The following RUNDC1 variants were observed in gnomAD, a reference collection of about 807,000 sequenced individuals.
The protein encoded by RUNDC1 is RUN domain containing 1, also known as RUN domain-containing protein 1.
RUNDC1 carries 31 observed loss-of-function variants against 49.3 expected under a neutral mutation model. The observed-to-expected ratio is 0.63, with a 90% confidence interval of 0.47 to 0.85. The LOEUF (loss-of-function observed/expected upper bound fraction) is 0.85, where lower values mean the gene tolerates loss of function less well. RUNDC1 is among the 40% of genes least tolerant of loss of function. The pLI, the probability that RUNDC1 is intolerant of heterozygous loss-of-function variation, is 0.00. For synonymous variants in RUNDC1, 347 were observed against 348.6 expected, an observed-to-expected ratio of 1.00 and a Z score of 0.05; for missense variants, 715 against 806.7, an observed-to-expected ratio of 0.89 and a Z score of 1.38.
intron 1 of RUNDC1, among the ~76,000 whole-genome samples, chr17:42,985,168 TG>T (rs1407869127): frequency 6.6e-6 from 1 of 152,198 alleles, no homozygotes; most frequent in East Asian, 1.9e-4. Flanking sequence ...ATTACAGGCA[TG>T]AGCCACTGCG....
chr17:42,989,547 G>A lies in RUNDC1; in HGVS notation c.856+8G>A. On this transcript the variant is annotated splice_region_variant and intron_variant, in intron 3 of 4. Coordinates refer to ENST00000361677, the MANE Select transcript of RUNDC1 (RefSeq NM_173079.5). ...TTATCAACTTCATCCAAGGTTAGAG[G>A]AGGGGATGGGATGAGAAGGGTGGAC... The A allele has an allele frequency of 6.2e-7, 1 of 1,611,924 alleles. No homozygotes were observed. The highest frequency in any genetic ancestry group is 8.5e-7 in the Non-Finnish European group (1 of 1,177,974).
chr17:42,990,790 T>C (rs2050227951), intron 4 of RUNDC1, 61 bp from the exon 5 acceptor site: 2 of 1,516,170 alleles, frequency 1.3e-6, no homozygotes, highest in Non-Finnish European at 1.8e-6. Context: ...CTGTGATTTG[T>C]TGAGTGTAGC....
chr17:42,990,375 G>C lies in RUNDC1; in HGVS notation c.915G>C (p.Gly305=). The change falls in exon 4 of 5, where the codon GGG becomes GGC. Residue 305 remains glycine (G), a synonymous_variant. Coordinates refer to ENST00000361677, the MANE Select transcript of RUNDC1 (RefSeq NM_173079.5). ...GGGHCECKAG[G]KTGNGCSRTG... The stretch of plus-strand genomic sequence containing the variant: ...GACACTGTGAGTGCAAGGCCGGTGG[G>C]AAGACAGGAAATGGCTGCAGCAGAA... 6.2e-7 allele frequency: 1 copy of C among 1,614,114 alleles called. No individual in the cohort carries two copies. The highest frequency in any genetic ancestry group is 8.5e-7 in the Non-Finnish European group (1 of 1,180,026).
Position 42,990,865 on chromosome 17 carries a change from G to T in RUNDC1, c.991G>T (p.Val331Leu). 3 of 1,594,948 alleles carry T rather than the reference G, an allele frequency of 1.9e-6. No homozygotes were observed. Among genetic ancestry groups the T allele is most frequent in the Non-Finnish European group, 2.6e-6 (3 of 1,166,390 alleles). ...PGNSKTKAED[V>L]KKVRETGLHL... ...TTTCTAAGCAGCAAAGGCAGAGGATGTGAAGAAAGTCCGGGAGACGGGGCT... is the reference window on the plus strand; with the variant it reads ...TTTCTAAGCAGCAAAGGCAGAGGATTTGAAGAAAGTCCGGGAGACGGGGCT... Residue 331 changes from valine to leucine, a missense_variant, in exon 5 of 5, where the codon GTG (valine) becomes TTG (leucine). Around this residue, in one of 5 missense-constraint regions of RUNDC1, gnomAD observed 425 missense variants for 499.7 expected, o/e 0.85. Transcript: ENST00000361677.
chr17:42,989,311 G>C (rs760403294), intron 2 of RUNDC1, 30 bp from the exon 3 acceptor site: 16 of 1,575,620 alleles, frequency 1.0e-5, no homozygotes, highest in Non-Finnish European at 1.3e-5. Context: ...AAATTCCAAA[G>C]GGTGTGCTCA....
At position 42,991,144 on chromosome 17, in the gene RUNDC1, A is replaced by G. The variant is rs541380741; in HGVS notation, c.1270A>G (p.Met424Val). 4 of 1,614,206 alleles carry G rather than the reference A, an allele frequency of 2.5e-6. No individual in the cohort carries two copies. The highest frequency in any genetic ancestry group is 1.3e-5 in the African/African-American group (1 of 75,054). ...LSLGGKDELT[M>V]AVRKELTVAV... ...TCTGGGAGGCAAGGATGAGCTGACT[A>G]TGGCTGTGCGGAAGGAGCTAACGGT... Residue 424 changes from methionine (M) to valine (V), a missense_variant, in exon 5 of 5, where the codon ATG (methionine) becomes GTG (valine). Transcript: ENST00000361677.
At chr17:42,989,278 C>G (rs2050207051) in intron 2 of RUNDC1, 63 bp from the exon 3 acceptor site, 14 of 1,252,012 alleles carry the variant, frequency 1.1e-5, no homozygotes, top group Non-Finnish European at 1.5e-5. Context: ...TTTTTAGATT[C>G]TCCTTCCTAA....
rs1266397252 is a variant in RUNDC1 at position 42,992,223 on chromosome 17, A to G, written c.*507A>G. 1 of 160,876 alleles carries G rather than the reference A, an allele frequency of 6.2e-6. No homozygotes were observed. The highest frequency in any genetic ancestry group is 1.4e-5 in the Non-Finnish European group (1 of 73,778). 10.0% of individuals were successfully genotyped at this position (160,876 alleles called of 1,614,324 possible). A position where few individuals can be genotyped will look rare whatever the true frequency, so the allele number is the denominator to read the frequency against. ...GAGTGAGACTCCGTCTCAAAAAAAA[A>G]AAGAAGGTTGTACCCACAGTATACG... On this transcript the variant is annotated 3_prime_UTR_variant, in exon 5 of 5. Transcript: ENST00000361677.
rs774736859 is a variant in RUNDC1, at chr17:42,990,916, G to A, written c.1042G>A (p.Val348Met). The change falls in exon 5 of 5, where the codon GTG becomes ATG. Residue 348 changes from valine (V) to methionine (M), a missense_variant. Physicochemically the swap from Val to Met is conservative, Grantham distance 21. Transcript: ENST00000361677. ...GLHLMRRALA[V>M]LQIFAVSQFG... ...GCACCTGATGCGGCGAGCGCTGGCCGTGCTCCAGATCTTTGCTGTTAGCCA... is the reference window on the plus strand; with the variant it reads ...GCACCTGATGCGGCGAGCGCTGGCCATGCTCCAGATCTTTGCTGTTAGCCA... 37 of 1,611,450 alleles carry A rather than the reference G, an allele frequency of 2.3e-5. No individual in the cohort carries two copies. The highest frequency in any genetic ancestry group is 1.5e-4 in the African/African-American group (11 of 74,892).
In RUNDC1 at chr17:42,995,128, G is replaced by C. The variant is rs1258640183; in HGVS notation, c.*3412G>C. ...GATTTGGAGAGACTGTTAAAATATA[G>C]ATTGCTGGGTCCCATCCCCAGAGTT... On this transcript the variant is annotated 3_prime_UTR_variant, in exon 5 of 5. Coordinates refer to ENST00000361677, the MANE Select transcript of RUNDC1 (RefSeq NM_173079.5). Among the ~76,000 whole-genome samples the C allele has an allele frequency of 6.6e-6, 1 of 152,072 alleles. No individual in the cohort carries two copies. Among genetic ancestry groups the C allele is most frequent in the Non-Finnish European group, 1.5e-5 (1 of 68,020 alleles).
intron 4 of RUNDC1, 130 bp from the exon 5 acceptor site, chr17:42,990,721 A>T: frequency 9.2e-7 from 1 of 1,091,878 alleles, no homozygotes; most frequent in South Asian, 1.5e-5. Flanking sequence ...GTCCAGCTAC[A>T]TCCTGGGTGG....
intron 4 of RUNDC1, 92 bp downstream of exon 4, chr17:42,990,528 A>C: frequency 7.9e-7 from 1 of 1,273,788 alleles, no homozygotes; most frequent in African/African-American, 1.5e-5. Context: ...AGAAGAGGGG[A>C]ATGAGAAATG....
Position 42,991,777 on chromosome 17 carries a change from T to C in RUNDC1, c.*61T>C. 1 of 1,516,880 alleles carries C rather than the reference T, an allele frequency of 6.6e-7. No homozygotes were observed. The highest frequency in any genetic ancestry group is 2.3e-5 in the East Asian group (1 of 44,234). 94.0% of individuals were successfully genotyped at this position (1,516,880 alleles called of 1,614,324 possible). ...AGTAGGGATAGATGTGCTAGTCTTC[T>C]AGCATAGGAGCAAGGAATCAGAGGT... On this transcript the variant is annotated 3_prime_UTR_variant, in exon 5 of 5. Transcript: ENST00000361677.
intron 1 of RUNDC1, 99 bp downstream of exon 1, chr17:42,981,173 C>A: frequency 7.2e-7 from 1 of 1,393,574 alleles, no homozygotes; most frequent in Non-Finnish European, 9.5e-7. Flanking sequence ...GAGAAGCCTC[C>A]CCGACTCGGT....
At position 42,994,282 on chromosome 17, in the gene RUNDC1, A is replaced by G. The variant is rs1328127383; in HGVS notation, c.*2566A>G. On this transcript the variant is annotated 3_prime_UTR_variant, in exon 5 of 5. Transcript: ENST00000361677. ...TTCAAATCACAAAAACAAAACTTGTATTAAGGCTTTGTGCTAGCATTACAG... is the reference window on the plus strand; with the variant it reads ...TTCAAATCACAAAAACAAAACTTGTGTTAAGGCTTTGTGCTAGCATTACAG... Among the ~76,000 whole-genome samples the G allele has an allele frequency of 1.3e-5, 2 of 152,248 alleles. No individual in the cohort carries two copies. The highest frequency in any genetic ancestry group is 1.3e-4 in the Admixed American group (2 of 15,290).
At chr17:42,984,527 C>T (rs1234883765) in intron 1 of RUNDC1, among the ~76,000 whole-genome samples, 4 of 152,028 alleles carry the variant, frequency 2.6e-5, no homozygotes, top group Non-Finnish European at 5.9e-5. Flanking sequence ...GTGATCCACC[C>T]ACCTCAACCC....
At chr17:42,981,401 C>T in intron 1 of RUNDC1, 1 of 312,416 alleles carries the variant, frequency 3.2e-6, no homozygotes, top group Admixed American at 5.0e-5. Flanking sequence ...ACTCACCTTT[C>T]CCTCACGTAT....
rs746277478 is a variant in RUNDC1 at position 42,980,651 on chromosome 17, G to A, written c.75G>A (p.Glu25=). 9 of 1,598,366 alleles carry A rather than the reference G, an allele frequency of 5.6e-6. No homozygotes were observed. The stretch of plus-strand genomic sequence containing the variant: ...TTGGGCCAAAGGCGAAAGACGAAGA[G>A]GAGGAGGAAGAGGAGCCGCTGCCAC... ...AAVGPKAKDE[E]EEEEEPLPPC... is the part of the protein sequence containing the mutation. The change falls in exon 1 of 5, where the codon GAG becomes GAA. Residue 25 remains glutamate, a synonymous_variant. Coordinates refer to ENST00000361677, the MANE Select transcript of RUNDC1 (RefSeq NM_173079.5).
intron 3 of RUNDC1, 122 bp downstream of exon 3, chr17:42,989,661 GTCTC>G: frequency 8.1e-6 from 7 of 861,776 alleles, no homozygotes; most frequent in South Asian, 1.6e-5. Context: ...TGGGGACAGT[GTCTC>G]TCTCTGTTCC....
Sources: allele counts gnomAD v4.1 joint callset (sites outside exome capture counted in the v4.1 genomes callset), GRCh38; gene constraint gnomAD v4.1.1; regional missense constraint gnomAD v4.1.1; transcripts MANE v1.5; gene names NCBI Gene and HGNC (gene_info 2026-07-23, HGNC 2026-07-21).